KARS1: variants seen among roughly 807,000 people sequenced by gnomAD.
KARS1 encodes lysine--tRNA ligase.
Under a neutral mutation model 63.9 loss-of-function variants are expected in KARS1, and 50 were observed. The observed-to-expected ratio is 0.78, with a 90% confidence interval of 0.62 to 0.99. KARS1 has a LOEUF of 0.99. KARS1 is among the 50% of genes least tolerant of loss of function. The pLI, the probability that KARS1 is intolerant of heterozygous loss-of-function variation, is 0.00. For synonymous variants in KARS1, 320 were observed against 264.6 expected, an observed-to-expected ratio of 1.21 and a Z score of -2.03; for missense variants, 816 against 754.5, an observed-to-expected ratio of 1.08 and a Z score of -0.95.
rs750616239 is a variant in KARS1, at chr16:75,640,355, A to T, written c.223-6T>A. The T allele has an allele frequency of 1.6e-3, 237 of 146,072 alleles. No individual in the cohort carries two copies. Among genetic ancestry groups the T allele is most frequent in the African/African-American group, 0.01 (205 of 19,632 alleles). 9.0% of individuals were successfully genotyped at this position (146,072 alleles called of 1,614,324 possible). On this transcript the variant is annotated splice_polypyrimidine_tract_variant and splice_region_variant and intron_variant, in intron 2 of 13. Transcript: ENST00000302445. ...CTGCGGATTTTGTAGTATTGCTGTT[A>T]AAAAAAAAAAAAAAAAAGCCCTTCA...
At chr16:75,635,592 G>C in intron 6 of KARS1, 88 bp downstream of exon 6, 1 of 1,419,474 alleles carries the variant, frequency 7.0e-7, no homozygotes, top group Non-Finnish European at 9.9e-7. Context: ...TCCTGACACA[G>C]GATACGCTTT....
At chr16:75,633,515 CTT>C (rs770761249) in intron 7 of KARS1, among the ~76,000 whole-genome samples, 1,325 of 127,440 alleles carry the variant, frequency 0.01, 13 homozygotes, top group African/African-American at 0.031. Context: ...TTTGAAGATA[CTT>C]TTTTTTTTTT....
In KARS1 at chr16:75,647,390, G is replaced by A. The variant is rs141656820; in HGVS notation, c.62+188C>T. 9 of 667,052 alleles carry A rather than the reference G, an allele frequency of 1.3e-5. No homozygotes were observed. In the African/African-American group the frequency reaches 1.6e-4, roughly 12 times the overall value. The allele number at this position is 667,052 out of a possible 1,614,324, so 41.3% of individuals were successfully genotyped here. A position where few individuals can be genotyped will look rare whatever the true frequency, so the allele number is the denominator to read the frequency against. On this transcript the variant is annotated intron_variant, in intron 1 of 13. Coordinates refer to ENST00000302445, the MANE Select transcript of KARS1 (RefSeq NM_005548.3). ...CCCGCCGGTGCCAGCTGGGAACGGG[G>A]AGCCGGCGTGCCCGGGGTATCCCGG...
At chr16:75,643,659 G>A (rs541373560) in intron 1 of KARS1, among the ~76,000 whole-genome samples, 6 of 152,164 alleles carry the variant, frequency 3.9e-5, no homozygotes, top group African/African-American at 7.2e-5. Flanking sequence ...GATTACAGGC[G>A]TGAGCCACCA....
At chr16:75,643,470 C>T (rs531485579) in intron 1 of KARS1, among the ~76,000 whole-genome samples, 9 of 151,918 alleles carry the variant, frequency 5.9e-5, no homozygotes, top group East Asian at 5.8e-4. Flanking sequence ...CTCTGCCTCC[C>T]GGGTTCACAC....
At chr16:75,633,357 T>C (rs1257850399) in intron 7 of KARS1, among the ~76,000 whole-genome samples, 2 of 152,174 alleles carry the variant, frequency 1.3e-5, no homozygotes, top group African/African-American at 4.8e-5. Context: ...AATGCCCTCT[T>C]GTGAGGAGCA....
chr16:75,640,979 G>C (rs1353844646), intron 2 of KARS1, among the ~76,000 whole-genome samples: 1 of 152,096 alleles, frequency 6.6e-6, no homozygotes, highest in Non-Finnish European at 1.5e-5. Flanking sequence ...GAGGCGGGTG[G>C]ATCACTTGAG....
chr16:75,637,838 A>G (rs2151807366), intron 3 of KARS1, among the ~76,000 whole-genome samples: 1 of 150,808 alleles, frequency 6.6e-6, no homozygotes, highest in African/African-American at 2.4e-5. Context: ...AAACCCTCTC[A>G]ACAGCCAGGC....
At chr16:75,628,824 T>C in intron 12 of KARS1, 112 bp from the exon 13 acceptor site, 1 of 1,124,422 alleles carries the variant, frequency 8.9e-7, no homozygotes, top group East Asian at 2.4e-5. Context: ...GAGATGCTCC[T>C]GACACTCAGG....
chr16:75,630,864 A>C (rs1026194886), intron 10 of KARS1, among the ~76,000 whole-genome samples: 3 of 151,954 alleles, frequency 2.0e-5, no homozygotes, highest in Non-Finnish European at 4.4e-5. Flanking sequence ...CGAACTCCTG[A>C]CCTCAGGTGA....
intron 3 of KARS1, among the ~76,000 whole-genome samples, chr16:75,638,711 A>G (rs2082191108): frequency 6.6e-6 from 1 of 152,208 alleles, no homozygotes; most frequent in African/African-American, 2.4e-5. Context: ...GAGAAACAGA[A>G]AGTGAAAAGG....
Position 75,647,661 on chromosome 16 carries a change from A to G in KARS1, c.-22T>C, listed in dbSNP as rs779242038. 1.9e-6 allele frequency: 3 copies of G among 1,612,890 alleles called. No individual in the cohort carries two copies. Among genetic ancestry groups the G allele is most frequent in the Non-Finnish European group, 2.5e-6 (3 of 1,179,138 alleles). On this transcript the variant is annotated 5_prime_UTR_variant, in exon 1 of 14. Coordinates refer to ENST00000302445, the MANE Select transcript of KARS1 (RefSeq NM_005548.3). ...CCATCTTCCCGGAGGGCCCGACCCA[A>G]AAGTAAGGAGGATAGTACGTTAATT...
At chr16:75,628,040 A>AT (rs767554762) in intron 13 of KARS1, 47 bp from the exon 14 acceptor site, 4 of 1,095,794 alleles carry the variant, frequency 3.7e-6, no homozygotes, top group South Asian at 2.5e-5. Flanking sequence ...CACTCTCAAC[A>AT]TTTTTTCACA....
Position 75,631,653 on chromosome 16 carries a change from T to C in KARS1, c.1078+40A>G, listed in dbSNP as rs1382746250. The C allele has an allele frequency of 5.0e-6, 8 of 1,613,898 alleles. No individual in the cohort carries two copies. The East Asian group carries it at 1.1e-4, about 22-fold the overall frequency. On this transcript the variant is annotated intron_variant, in intron 8 of 13. Coordinates refer to ENST00000302445, the MANE Select transcript of KARS1 (RefSeq NM_005548.3). ...AGGCAGCCCTCCTCTGAAAGCAGCA[T>C]ACCAACCACCCGATGAGTATGAGAG... is the stretch of plus-strand genomic sequence containing the variant.
chr16:75,631,402 T>C lies in KARS1; in HGVS notation c.1252+14A>G, dbSNP rs1237464726. The C allele has an allele frequency of 5.0e-6, 8 of 1,613,548 alleles. No homozygotes were observed. The highest frequency in any genetic ancestry group is 6.8e-6 in the Non-Finnish European group (8 of 1,179,594). On this transcript the variant is annotated intron_variant, in intron 9 of 13. Transcript: ENST00000302445. The stretch of plus-strand genomic sequence containing the variant: ...GAGGGCCTTACAACGGAGGAGTGAG[T>C]GTTGTCACTTTACCTTCAGTTTCAA...
chr16:75,635,119 A>G (rs1307041641), intron 6 of KARS1, among the ~76,000 whole-genome samples: 1 of 152,260 alleles, frequency 6.6e-6, no homozygotes, highest in Non-Finnish European at 1.5e-5. Flanking sequence ...AAATAAAAGC[A>G]GGTCCATCAC....
At chr16:75,634,336 G>A (rs2082141353) in intron 6 of KARS1, 44 bp from the exon 7 acceptor site, 1 of 1,607,594 alleles carries the variant, frequency 6.2e-7, no homozygotes. Flanking sequence ...ATAACCAGAG[G>A]CCTTGGGGAC....
chr16:75,627,901 A>G lies in KARS1; in HGVS notation c.1788T>C (p.Ser596=). 1 of 1,568,738 alleles carries G rather than the reference A, an allele frequency of 6.4e-7. No homozygotes were observed. Among genetic ancestry groups the G allele is most frequent in the Non-Finnish European group, 8.8e-7 (1 of 1,139,144 alleles). ...AACTTGCAATTATTATTTTCTAGAC[A>G]GAAGTGCCAACTGTTGTGCTTTCCA... is the stretch of plus-strand genomic sequence containing the variant. The part of the protein sequence containing the change: ...DTLESTTVGT[S]V The change falls in exon 14 of 14, where the codon TCT becomes TCC. Residue 596 remains serine, a synonymous_variant. Transcript: ENST00000302445.
At chr16:75,645,569 G>T (rs1361672056) in intron 1 of KARS1, among the ~76,000 whole-genome samples, 2 of 152,208 alleles carry the variant, frequency 1.3e-5, no homozygotes, top group African/African-American at 4.8e-5. Context: ...CAGTGAAGCA[G>T]GGAGTGGTGG....
Sources: gnomAD v4.1 joint callset for allele counts (sites outside exome capture counted in the v4.1 genomes callset) on GRCh38, gnomAD v4.1.1 for gene constraint, MANE v1.5 for transcripts, NCBI Gene and HGNC (gene_info 2026-07-23, HGNC 2026-07-21) for gene names.